Variants in EYA4 observed in about 807,000 individuals in gnomAD.
EYA4 encodes the protein EYA transcriptional coactivator and phosphatase 4, also known as protein phosphatase EYA4.
EYA4 carries 31 observed loss-of-function variants against 87.9 expected under a neutral mutation model. The ratio of observed to expected loss-of-function variants is 0.35; its 90% CI spans 0.27 to 0.48. The LOEUF (loss-of-function observed/expected upper bound fraction) is 0.48. EYA4 is among the 20% of genes least tolerant of loss of function. The pLI is 0.99. For synonymous variants in EYA4, 263 were observed against 270.6 expected (o/e 0.97, Z 0.28); for missense variants, 678 against 761.4 (o/e 0.89, Z 1.29).
At chr6:133,301,181 G>A (rs1779375980) in intron 2 of EYA4, among the ~76,000 whole-genome samples, 1 of 152,120 alleles carries the variant, frequency 6.6e-6, no homozygotes, top group South Asian at 2.1e-4. Flanking sequence ...AATCATAAGA[G>A]TATATTAAAC....
intron 2 of EYA4, among the ~76,000 whole-genome samples, chr6:133,357,095 C>T (rs1000457904): frequency 2.0e-5 from 3 of 151,686 alleles, no homozygotes; most frequent in African/African-American, 7.3e-5. Flanking sequence ...AACAGTGAAA[C>T]CCCGTCTCTA....
At chr6:133,347,156 G>A (rs376577270) in intron 2 of EYA4, among the ~76,000 whole-genome samples, 8 of 152,152 alleles carry the variant, frequency 5.3e-5, no homozygotes, top group East Asian at 3.9e-4. Flanking sequence ...ACATTCTCCC[G>A]TGCAACTTTG....
chr6:133,410,467 T>A (rs211626), intron 3 of EYA4, among the ~76,000 whole-genome samples: 54,783 of 148,226 alleles, frequency 0.37, 13,137 homozygotes, highest in Non-Finnish European at 0.54. Flanking sequence ...CCAACTTAAT[T>A]AAGGACATTG....
intron 2 of EYA4, among the ~76,000 whole-genome samples, chr6:133,315,505 C>T (rs981626954): frequency 4.6e-5 from 7 of 151,996 alleles, no homozygotes; most frequent in African/African-American, 1.7e-4. Flanking sequence ...GTTGGGTTGT[C>T]AGATATTTTT....
At chr6:133,343,026 A>G (rs899119727) in intron 2 of EYA4, among the ~76,000 whole-genome samples, 1 of 152,174 alleles carries the variant, frequency 6.6e-6, no homozygotes, top group Non-Finnish European at 1.5e-5. Context: ...GAACATTTAC[A>G]GATCAATGGC....
At position 133,525,025 on chromosome 6, in the gene EYA4, C is replaced by T. The variant is rs1384867275; in HGVS notation, c.1739-129C>T. On this transcript the variant is annotated intron_variant, in intron 18 of 19. Coordinates refer to ENST00000355286, the MANE Select transcript of EYA4 (RefSeq NM_004100.5). Reference sequence around the variant, plus strand: ...TGCATTGTTTTTCAGGCAAGGAAAGCTGTTTTGAGCGTATAGTGTCCAGAT... The same window carrying T: ...TGCATTGTTTTTCAGGCAAGGAAAGTTGTTTTGAGCGTATAGTGTCCAGAT... The T allele has an allele frequency of 5.6e-6, 9 of 1,613,222 alleles. No individual in the cohort carries two copies. The South Asian group carries it at 8.8e-5, about 16-fold the overall frequency.
At chr6:133,306,493 G>A (rs1779822281) in intron 2 of EYA4, among the ~76,000 whole-genome samples, 1 of 152,160 alleles carries the variant, frequency 6.6e-6, no homozygotes, top group African/African-American at 2.4e-5. Flanking sequence ...GATGAAAAGT[G>A]TATTCTCCAA....
chr6:133,267,528 G>A (rs1221185445), intron 1 of EYA4, among the ~76,000 whole-genome samples: 2 of 151,888 alleles, frequency 1.3e-5, no homozygotes, highest in African/African-American at 2.4e-5. Flanking sequence ...GATTACAGGC[G>A]CCCGCCACCA....
At chr6:133,276,393 A>G (rs759594204) in intron 2 of EYA4, among the ~76,000 whole-genome samples, 27 of 152,212 alleles carry the variant, frequency 1.8e-4, no homozygotes, top group Non-Finnish European at 3.2e-4. Context: ...TAGGGTGTGT[A>G]TATACTCAAG....
chr6:133,511,956 G>C (rs1441752591), intron 14 of EYA4, among the ~76,000 whole-genome samples: 1 of 150,822 alleles, frequency 6.6e-6, no homozygotes, highest in Non-Finnish European at 1.5e-5. Context: ...ACTCCAACCT[G>C]GGCGACTAAG....
Position 133,408,167 on chromosome 6 carries a change from A to G in EYA4, c.83+25726A>G, listed in dbSNP as rs1788890241. Among the ~76,000 whole-genome samples, 3 of 152,144 alleles carry G rather than the reference A, an allele frequency of 2.0e-5. No homozygotes were observed. In the South Asian group the frequency reaches 6.2e-4, roughly 32 times the overall value. On this transcript the variant is annotated intron_variant, in intron 3 of 19. Coordinates refer to ENST00000355286, the MANE Select transcript of EYA4 (RefSeq NM_004100.5). ...TTACTAAACACATCAATCATTTTAC[A>G]TTTGGCCCCTTTGCATGGTGAACAG...
In EYA4 at chr6:133,489,310, ATGGAGGGGTGGGGC is replaced by A. The variant is rs1465016640; in HGVS notation, c.1191+6197_1191+6210del. 3.3e-5 allele frequency among the ~76,000 whole-genome samples: 5 copies of A among 152,144 alleles called. No individual in the cohort carries two copies. The East Asian group carries it at 9.7e-4, about 29-fold the overall frequency. On this transcript the variant is annotated intron_variant, in intron 13 of 19. Transcript: ENST00000355286. ...AAGAGTTATTGGCCTTAAACAGGAG[ATGGAGGGGTGGGGC>A]TAGAAGGTTTATTGAAAAGGATAAT...
chr6:133,414,222 G>A (rs1483513852), intron 3 of EYA4, among the ~76,000 whole-genome samples: 2 of 151,888 alleles, frequency 1.3e-5, no homozygotes, highest in Non-Finnish European at 2.9e-5. Context: ...TCATCTCCAT[G>A]TCTTGGTTTT....
intron 10 of EYA4, among the ~76,000 whole-genome samples, 153 bp downstream of exon 10, chr6:133,465,011 C>G (rs2128665500): frequency 6.6e-6 from 1 of 152,102 alleles, no homozygotes; most frequent in African/African-American, 2.4e-5. Flanking sequence ...AATTAGCTAT[C>G]TAGAATTCTT....
At chr6:133,394,682 T>C (rs951274382) in intron 3 of EYA4, among the ~76,000 whole-genome samples, 3 of 152,192 alleles carry the variant, frequency 2.0e-5, no homozygotes, top group African/African-American at 7.2e-5. Flanking sequence ...TGAAGGAATA[T>C]ATCGAAAATG....
intron 3 of EYA4, among the ~76,000 whole-genome samples, chr6:133,431,361 G>A (rs991834581): frequency 6.6e-6 from 1 of 152,080 alleles, no homozygotes; most frequent in South Asian, 2.1e-4. Context: ...AGTGTGGCTT[G>A]GGGAGATAAA....
At chr6:133,503,549 C>T (rs1478480341) in intron 13 of EYA4, among the ~76,000 whole-genome samples, 1 of 152,098 alleles carries the variant, frequency 6.6e-6, no homozygotes, top group Non-Finnish European at 1.5e-5. Context: ...AGTGAACATT[C>T]CTCAGAAGCA....
At chr6:133,260,344 T>A (rs1377170863) in intron 1 of EYA4, among the ~76,000 whole-genome samples, 1 of 152,164 alleles carries the variant, frequency 6.6e-6, no homozygotes, top group Non-Finnish European at 1.5e-5. Flanking sequence ...TTCAGGCGAT[T>A]CTCCTGCCTC....
At chr6:133,377,177 T>C (rs375221780) in intron 2 of EYA4, among the ~76,000 whole-genome samples, 26 of 152,174 alleles carry the variant, frequency 1.7e-4, no homozygotes, top group African/African-American at 5.8e-4. Flanking sequence ...ATCCTATGCG[T>C]ATTTTAAATT....
Sources: gnomAD v4.1 joint callset for allele counts (sites outside exome capture counted in the v4.1 genomes callset) on GRCh38, gnomAD v4.1.1 for gene constraint, MANE v1.5 for transcripts, NCBI Gene and HGNC (gene_info 2026-07-23, HGNC 2026-07-21) for gene names.